The following EIF3E variants were observed in gnomAD, a reference collection of about 807,000 sequenced individuals.
The protein encoded by EIF3E is eukaryotic translation initiation factor 3 subunit E, also known as eIF-3 p48.
In EIF3E, 25 loss-of-function variants were observed where a neutral mutation model predicts 59.3. The ratio of observed to expected loss-of-function variants is 0.42; its 90% CI spans 0.31 to 0.59. The LOEUF is 0.59. Among genes scored for constraint, EIF3E ranks in the 20% least tolerant of loss-of-function variants. The probability of loss-of-function intolerance (pLI) is 0.15; values close to 1 mark genes in which losing one functional copy is unlikely to be tolerated. For missense variants in EIF3E, 317 were observed against 534.3 expected, an observed-to-expected ratio of 0.59 and a Z score of 4.01; for synonymous variants, 176 against 170.2, an observed-to-expected ratio of 1.03 and a Z score of -0.26.
chr8:108,221,743 ATC>A (rs1466755980), intron 7 of EIF3E: 1 of 149,200 alleles, frequency 6.7e-6, no homozygotes, highest in Non-Finnish European at 1.5e-5. Context: ...GCAACATATC[ATC>A]TCTGTCTCAA....
chr8:108,238,956 G>T (rs1815786869), intron 3 of EIF3E, among the ~76,000 whole-genome samples: 1 of 152,128 alleles, frequency 6.6e-6, no homozygotes, highest in South Asian at 2.1e-4. Flanking sequence ...TACTACGTCA[G>T]ACTAAGGCAA....
intron 7 of EIF3E, among the ~76,000 whole-genome samples, chr8:108,226,755 A>G (rs1370143073): frequency 6.6e-6 from 1 of 152,182 alleles, no homozygotes; most frequent in Non-Finnish European, 1.5e-5. Context: ...ATACTGACCA[A>G]TACATTCATC....
chr8:108,231,855 T>C (rs1035823314), intron 5 of EIF3E: 1 of 152,014 alleles, frequency 6.6e-6, no homozygotes, highest in Non-Finnish European at 1.5e-5. Context: ...TTTCTTTTTT[T>C]TTTTAAGGGC....
rs1157576885 is a variant in EIF3E, at chr8:108,235,525, C to T, written c.367-423G>A. Among the ~76,000 whole-genome samples, 3 of 152,212 alleles carry T rather than the reference C, an allele frequency of 2.0e-5. No homozygotes were observed. The East Asian group carries it at 5.8e-4, about 29-fold the overall frequency. ...CAAAGCTCACATGGTAATGCTTGCTCACCTTCTGATCATCTGCTCTGTGGC... is the reference window on the plus strand; with the variant it reads ...CAAAGCTCACATGGTAATGCTTGCTTACCTTCTGATCATCTGCTCTGTGGC... On this transcript the variant is annotated intron_variant, in intron 4 of 12. Transcript: ENST00000220849.
chr8:108,245,172 A>G (rs1437480890), intron 1 of EIF3E, among the ~76,000 whole-genome samples: 1 of 151,788 alleles, frequency 6.6e-6, no homozygotes, highest in Non-Finnish European at 1.5e-5. Context: ...CTTCCAAAAT[A>G]AAAAACATTT....
At chr8:108,235,265 G>A (rs1815705791) in intron 4 of EIF3E, among the ~76,000 whole-genome samples, 163 bp from the exon 5 acceptor site, 1 of 151,990 alleles carries the variant, frequency 6.6e-6, no homozygotes, top group South Asian at 2.1e-4. Context: ...TTTATTTTTG[G>A]TGGCAGCTTT....
chr8:108,217,290 C>T, intron 8 of EIF3E, 44 bp downstream of exon 8: 1 of 1,393,960 alleles, frequency 7.2e-7, no homozygotes, highest in Non-Finnish European at 9.5e-7. Flanking sequence ...AGACCTAAAG[C>T]TTAGGTATTT....
chr8:108,240,192 C>T (rs773924681), intron 2 of EIF3E, 117 bp from the exon 3 acceptor site: 47 of 828,380 alleles, frequency 5.7e-5, no homozygotes, highest in Non-Finnish European at 9.0e-5. Context: ...TTTATTTACC[C>T]CCAATATATT....
rs1736486361 is a variant in EIF3E at position 108,228,139 on chromosome 8, A to G, written c.722+128T>C. 2.2e-5 allele frequency: 23 copies of G among 1,024,958 alleles called. No individual in the cohort carries two copies. In the South Asian group the frequency reaches 4.7e-4, roughly 21 times the overall value. The allele number at this position is 1,024,958 out of a possible 1,614,324, so 63.5% of individuals were successfully genotyped here. ...ATACTTTTCAGTAACAAGCAAATCT[A>G]CTACATGAAGAAAAAAAAAAACAGG... On this transcript the variant is annotated intron_variant, in intron 7 of 12. Transcript: ENST00000220849.
chr8:108,244,427 G>C (rs1047571705), intron 1 of EIF3E, among the ~76,000 whole-genome samples: 13 of 152,138 alleles, frequency 8.5e-5, no homozygotes, highest in South Asian at 2.1e-4. Flanking sequence ...CTCTTCCTCT[G>C]CTGTCATTCA....
Position 108,217,443 on chromosome 8 carries a change from T to C in EIF3E, c.740A>G (p.Gln247Arg). Residue 247 changes from glutamine to arginine, a missense_variant, in exon 8 of 13, where the codon CAG (glutamine) becomes CGG (arginine). Gln to Arg is a conservative substitution (Grantham distance 43). This residue lies in a region of EIF3E where 242 missense variants were observed against 398.0 expected (regional missense o/e 0.61). Coordinates refer to ENST00000220849, the MANE Select transcript of EIF3E (RefSeq NM_001568.3). ...GCGAAGAATGTGTGGACACATTGTC[T>C]GAATTGCATTAAGATATCTAAGAAA... ...LYQPQYLNAI[Q>R]TMCPHILRYL... 1 of 1,598,982 alleles carries C rather than the reference T, an allele frequency of 6.3e-7. No individual in the cohort carries two copies. The highest frequency in any genetic ancestry group is 8.5e-7 in the Non-Finnish European group (1 of 1,174,344).
intron 10 of EIF3E, among the ~76,000 whole-genome samples, chr8:108,208,973 T>G (rs1297486789): frequency 6.6e-6 from 1 of 152,104 alleles, no homozygotes; most frequent in Admixed American, 6.5e-5. Flanking sequence ...ATCCTACATA[T>G]CAATAAGGTT....
intron 3 of EIF3E, among the ~76,000 whole-genome samples, chr8:108,237,009 G>C (rs894934940): frequency 6.6e-6 from 1 of 151,826 alleles, no homozygotes. Context: ...GCGACAGAGT[G>C]AGACTCTGTC....
At position 108,229,206 on chromosome 8, in the gene EIF3E, A is replaced by T. The variant is rs1815576122; in HGVS notation, c.472-11T>A. ...ATCTGTTGCTGGAACCTGTTTAAGAAATCATAATTAATTATATTGTGAATA... is the reference window on the plus strand; with the variant it reads ...ATCTGTTGCTGGAACCTGTTTAAGATATCATAATTAATTATATTGTGAATA... On this transcript the variant is annotated splice_polypyrimidine_tract_variant and intron_variant, in intron 5 of 12. Coordinates refer to ENST00000220849, the MANE Select transcript of EIF3E (RefSeq NM_001568.3). 5 of 1,610,576 alleles carry T rather than the reference A, an allele frequency of 3.1e-6. No homozygotes were observed. The highest frequency in any genetic ancestry group is 4.2e-6 in the Non-Finnish European group (5 of 1,178,282).
intron 1 of EIF3E, among the ~76,000 whole-genome samples, 175 bp downstream of exon 1, chr8:108,248,438 G>A (rs776361276): frequency 6.6e-6 from 1 of 152,044 alleles, no homozygotes; most frequent in Non-Finnish European, 1.5e-5. Context: ...CGAATAGTGC[G>A]GTGCTTCTTA....
intron 5 of EIF3E, among the ~76,000 whole-genome samples, chr8:108,231,535 GGAAA>G (rs1815620053): frequency 1.3e-5 from 2 of 151,976 alleles, no homozygotes; most frequent in Admixed American, 1.3e-4. Flanking sequence ...CCTGAGGGAG[GGAAA>G]GAGACAGCTC....
intron 5 of EIF3E, among the ~76,000 whole-genome samples, chr8:108,232,410 A>C (rs962814990): frequency 6.6e-6 from 1 of 152,200 alleles, no homozygotes; most frequent in African/African-American, 2.4e-5. Flanking sequence ...TCAATCACTT[A>C]ATCAAAATAT....
intron 7 of EIF3E, among the ~76,000 whole-genome samples, chr8:108,222,415 G>C (rs567449933): frequency 6.6e-6 from 1 of 152,126 alleles, no homozygotes; most frequent in Non-Finnish European, 1.5e-5. Flanking sequence ...AAACATTTAG[G>C]TGTGTATGCA....
intron 4 of EIF3E, 66 bp from the exon 5 acceptor site, chr8:108,235,168 T>C: frequency 2.9e-6 from 3 of 1,021,218 alleles, no homozygotes; most frequent in Non-Finnish European, 4.1e-6. Flanking sequence ...TTGTAATTCA[T>C]AAGTCTTTGA....
Sources: gnomAD v4.1 joint callset for allele counts (sites outside exome capture counted in the v4.1 genomes callset) on GRCh38, gnomAD v4.1.1 for gene constraint, gnomAD v4.1.1 regional missense constraint, MANE v1.5 for transcripts, NCBI Gene and HGNC (gene_info 2026-07-23, HGNC 2026-07-21) for gene names.